Variants in SLC45A1 observed in about 807,000 individuals in gnomAD.
The protein encoded by SLC45A1 is solute carrier family 45 member 1.
SLC45A1 carries 28 observed loss-of-function variants against 57.6 expected under a neutral mutation model. The ratio of observed to expected loss-of-function variants is 0.49; its 90% confidence interval spans 0.36 to 0.67. The LOEUF (loss-of-function observed/expected upper bound fraction) is 0.67, where lower values mean the gene tolerates loss of function less well. SLC45A1 is among the 30% of genes least tolerant of loss of function. SLC45A1 has a pLI of 0.00. For missense variants in SLC45A1, 814 were observed against 1,041.5 expected (o/e 0.78, Z 3.01); for synonymous variants, 459 against 471.5 (o/e 0.97, Z 0.34).
Position 8,344,093 on chromosome 1 carries a change from T to C in SLC45A1, c.*80T>C, listed in dbSNP as rs1640926324. ...CCGACCAGTGAGGACCAAAGGGCCT[T>C]GTTGGACAGGGGGACTGGCTGCCTA... On this transcript the variant is annotated 3_prime_UTR_variant, in exon 9 of 9. Transcript: ENST00000471889. 2 of 1,379,080 alleles carry C rather than the reference T, an allele frequency of 1.5e-6. No homozygotes were observed. The highest frequency in any genetic ancestry group is 2.0e-6 in the Non-Finnish European group (2 of 1,017,256). 85.4% of individuals were successfully genotyped at this position (1,379,080 alleles called of 1,614,324 possible). A position where few individuals can be genotyped will look rare whatever the true frequency, so the allele number is the denominator to read the frequency against.
At chr1:8,331,728 A>G (rs182289188) in intron 5 of SLC45A1, among the ~76,000 whole-genome samples, 8 of 151,996 alleles carry the variant, frequency 5.3e-5, no homozygotes, top group African/African-American at 1.7e-4. Flanking sequence ...CCTATGAGTG[A>G]GTGAGTTCAG....
intron 5 of SLC45A1, among the ~76,000 whole-genome samples, chr1:8,334,575 C>T (rs1365836412): frequency 1.3e-5 from 2 of 152,030 alleles, no homozygotes; most frequent in African/African-American, 4.8e-5. Context: ...TGGTGGTGCT[C>T]GCCTGTAGTC....
intron 1 of SLC45A1, among the ~76,000 whole-genome samples, chr1:8,323,490 C>CAAA (rs34956825): frequency 1.6e-4 from 20 of 127,522 alleles, no homozygotes; most frequent in South Asian, 5.2e-4. Context: ...GACTCTGTCT[C>CAAA]AAAAAAAAAA....
At chr1:8,334,941 G>T (rs144866871) in intron 5 of SLC45A1, among the ~76,000 whole-genome samples, 1 of 152,198 alleles carries the variant, frequency 6.6e-6, no homozygotes, top group East Asian at 1.9e-4. Context: ...CCCCTGTCAA[G>T]GGCTGAGGTG....
Position 8,330,679 on chromosome 1 carries a change from C to G in SLC45A1, c.1186C>G (p.Pro396Ala). The G allele has an allele frequency of 6.2e-7, 1 of 1,613,244 alleles. No homozygotes were observed. Among genetic ancestry groups the G allele is most frequent in the South Asian group, 1.1e-5 (1 of 91,078 alleles). Reference protein sequence around the residue: ...DSYLAIPGSVPRPPISVSFPR... With the variant: ...DSYLAIPGSVARPPISVSFPR... The stretch of plus-strand genomic sequence containing the variant: ...CTACCTGGCCATCCCTGGCAGCGTC[C>G]CCAGGCCGCCCATCAGCGTCAGCTT... The change falls in exon 5 of 9, where the codon CCC becomes GCC. Residue 396 changes from proline to alanine, a missense_variant. Physicochemically the swap from Pro to Ala is conservative, Grantham distance 27. Coordinates refer to ENST00000471889, the MANE Select transcript of SLC45A1 (RefSeq NM_001080397.3). The surrounding 1 kb of genome is among the most constrained non-coding windows in gnomAD (Gnocchi z 8.4).
chr1:8,335,248 G>A lies in SLC45A1; in HGVS notation c.1444-189G>A, dbSNP rs559460516. On this transcript the variant is annotated intron_variant, in intron 5 of 8. Coordinates refer to ENST00000471889, the MANE Select transcript of SLC45A1 (RefSeq NM_001080397.3). The surrounding 1 kb of genome is among the most constrained non-coding windows in gnomAD (Gnocchi z 4.1). ...CTAGCCTTAGCTGCTCCGGGGCCTC[G>A]GAAACAATGCCCTGAATTTGTTCCT... 2.0e-5 allele frequency among the ~76,000 whole-genome samples: 3 copies of A among 152,288 alleles called. No individual in the cohort carries two copies. Among genetic ancestry groups the A allele is most frequent in the Non-Finnish European group, 2.9e-5 (2 of 68,026 alleles).
In SLC45A1 at chr1:8,343,561, G is replaced by A. The variant is rs562417106; in HGVS notation, c.1981-186G>A. ...TTAGTCATGGATTCTTTTCATTGTC[G>A]TCATCTCTCCGAACACAAATATTGT... On this transcript the variant is annotated intron_variant, in intron 8 of 8. Coordinates refer to ENST00000471889, the MANE Select transcript of SLC45A1 (RefSeq NM_001080397.3). The surrounding 1 kb of genome is among the most constrained non-coding windows in gnomAD (Gnocchi z 7.7). 7.2e-5 allele frequency among the ~76,000 whole-genome samples: 11 copies of A among 152,244 alleles called. 1 individual carries two copies. Among genetic ancestry groups the A allele is most frequent in the South Asian group, 4.1e-4 (2 of 4,828 alleles).
chr1:8,340,873 A>T (rs2124327271), intron 8 of SLC45A1, among the ~76,000 whole-genome samples: 1 of 152,290 alleles, frequency 6.6e-6, no homozygotes, highest in East Asian at 1.9e-4. Context: ...TTTAGCATAA[A>T]GAAAAATAAT....
rs1640338094 is a variant in SLC45A1 at position 8,330,159 on chromosome 1, G to A, written c.716-50G>A. ...TTCTAAGAACGGGGCCACCGCGTTT[G>A]GGGCTTCTCCTCCCGCAGAAGGGAA... On this transcript the variant is annotated intron_variant, in intron 4 of 8. Transcript: ENST00000471889. The surrounding 1 kb of genome is among the most constrained non-coding windows in gnomAD (Gnocchi z 8.4). 6.3e-7 allele frequency: 1 copy of A among 1,586,462 alleles called. No homozygotes were observed. The highest frequency in any genetic ancestry group is 8.6e-7 in the Non-Finnish European group (1 of 1,165,948).
intron 4 of SLC45A1, among the ~76,000 whole-genome samples, chr1:8,329,904 A>G (rs1640328342): frequency 6.6e-6 from 1 of 152,150 alleles, no homozygotes; most frequent in East Asian, 1.9e-4. Context: ...GGGGCCTGAA[A>G]GGTTACGGGG....
At position 8,326,546 on chromosome 1, in the gene SLC45A1, G is replaced by A. The variant is rs116353717; in HGVS notation, c.715+504G>A. 9.5e-3 allele frequency among the ~76,000 whole-genome samples: 1,446 copies of A among 152,224 alleles called. 22 individuals are homozygous for A. Among genetic ancestry groups the A allele is most frequent in the African/African-American group, 0.033 (1,365 of 41,512 alleles). ...CAAGCCTGAACGAAGCGTCACTGTC[G>A]CATGCATTTTCTGCACAAGGCACAT... is the stretch of plus-strand genomic sequence containing the variant. On this transcript the variant is annotated intron_variant, in intron 4 of 8. Transcript: ENST00000471889. This position sits in a 1 kb window ranked among gnomAD's most constrained non-coding sequence, Gnocchi z 5.5.
Position 8,325,446 on chromosome 1 carries a change from G to T in SLC45A1, c.490+56G>T, listed in dbSNP as rs368243869. 1.2e-5 allele frequency: 15 copies of T among 1,290,876 alleles called. No individual in the cohort carries two copies. In the African/African-American group the frequency reaches 1.8e-4, roughly 15 times the overall value. 80.0% of individuals were successfully genotyped at this position (1,290,876 alleles called of 1,614,324 possible). A position where few individuals can be genotyped will look rare whatever the true frequency, so the allele number is the denominator to read the frequency against. ...AGAGGAAAAAAAAAAGGCCCCAACT[G>T]CTTCCTTTTAGGAAAATTTTAAAAA... On this transcript the variant is annotated intron_variant, in intron 3 of 8. Coordinates refer to ENST00000471889, the MANE Select transcript of SLC45A1 (RefSeq NM_001080397.3). The surrounding 1 kb of genome is among the most constrained non-coding windows in gnomAD (Gnocchi z 6.3).
chr1:8,330,626 TTGAC>T lies in SLC45A1; in HGVS notation c.1136_1139del (p.Asp379AlafsTer47). The T allele has an allele frequency of 6.2e-7, 1 of 1,613,596 alleles. No homozygotes were observed. Among genetic ancestry groups the T allele is most frequent in the Non-Finnish European group, 8.5e-7 (1 of 1,179,982 alleles). ...ACGGCCAACATAGACAGCGTCCTCA[TTGAC>T]TGCTTCACGGGCGGCCACGACAGCT... On this transcript the variant is annotated frameshift_variant, in exon 5 of 9. Transcript: ENST00000471889. LOFTEE classifies it high-confidence loss of function. The surrounding 1 kb of genome is among the most constrained non-coding windows in gnomAD (Gnocchi z 8.4).
At position 8,327,137 on chromosome 1, in the gene SLC45A1, G is replaced by A. The variant is rs545875522; in HGVS notation, c.715+1095G>A. Among the ~76,000 whole-genome samples the A allele has an allele frequency of 6.6e-6, 1 of 152,314 alleles. No individual in the cohort carries two copies. The highest frequency in any genetic ancestry group is 1.9e-4 in the East Asian group (1 of 5,180). The stretch of plus-strand genomic sequence containing the variant: ...TGCAAATCCTTGAATGATTTTGAGA[G>A]CACCGTGAGGATTGGTTCTGAGTTT... On this transcript the variant is annotated intron_variant, in intron 4 of 8. Coordinates refer to ENST00000471889, the MANE Select transcript of SLC45A1 (RefSeq NM_001080397.3). This position sits in a 1 kb window ranked among gnomAD's most constrained non-coding sequence, Gnocchi z 4.3.
rs532866853 is a variant in SLC45A1 at position 8,318,805 on chromosome 1, G to A, written c.-25+619G>A. Among the ~76,000 whole-genome samples the A allele has an allele frequency of 3.3e-5, 5 of 152,318 alleles. No individual in the cohort carries two copies. In the South Asian group the frequency reaches 1.0e-3, roughly 32 times the overall value. ...AGGGGCGGAGGAAAGCCACGTTCAG[G>A]CTGCACCTGGCCTGGGCTTTTGGGA... On this transcript the variant is annotated intron_variant, in intron 1 of 8. Transcript: ENST00000471889.
In SLC45A1 at chr1:8,325,338, G is replaced by T; in HGVS notation, c.438G>T (p.Arg146=). 1 of 1,613,858 alleles carries T rather than the reference G, an allele frequency of 6.2e-7. No individual in the cohort carries two copies. The highest frequency in any genetic ancestry group is 1.1e-5 in the South Asian group (1 of 91,060). ...CTCTGTTGGGTGCTTGGAGTGACCG[G>T]TGTACCTCAAGGTTTGGAAGGAGAC... is the stretch of plus-strand genomic sequence containing the variant. ...LQPLLGAWSD[R]CTSRFGRRRP... is the part of the protein sequence containing the mutation. The change falls in exon 3 of 9, where the codon CGG becomes CGT. Residue 146 remains arginine (R), a synonymous_variant. Transcript: ENST00000471889. The surrounding 1 kb of genome is among the most constrained non-coding windows in gnomAD (Gnocchi z 6.3).
Position 8,339,622 on chromosome 1 carries a change from T to C in SLC45A1, c.1904T>C (p.Ile635Thr), listed in dbSNP as rs774067852. 1.1e-5 allele frequency: 18 copies of C among 1,614,142 alleles called. No homozygotes were observed. In the East Asian group the frequency reaches 3.6e-4, roughly 32 times the overall value. ...RNLYVVLSLC[I>T]TYGILFSTLC... ...CTCTACGTGGTCCTGTCGCTCTGCA[T>C]AACCTACGGGATTTTATTTTCCACC... Residue 635 changes from isoleucine (I) to threonine (T), a missense_variant, in exon 8 of 9, where the codon ATA (isoleucine) becomes ACA (threonine). By Grantham distance (89) the Ile-to-Thr change is moderately conservative. Coordinates refer to ENST00000471889, the MANE Select transcript of SLC45A1 (RefSeq NM_001080397.3).
Position 8,330,047 on chromosome 1 carries a change from TG to T in SLC45A1, c.716-159del. On this transcript the variant is annotated intron_variant, in intron 4 of 8. Coordinates refer to ENST00000471889, the MANE Select transcript of SLC45A1 (RefSeq NM_001080397.3). The surrounding 1 kb of genome is among the most constrained non-coding windows in gnomAD (Gnocchi z 8.4). Reference sequence around the variant, plus strand: ...GGGGACCTCCTCAAGGGGCCCGCCCTGGGAATCCTGTCCCATTTTGTTGGGG... The same window carrying T: ...GGGGACCTCCTCAAGGGGCCCGCCCTGGAATCCTGTCCCATTTTGTTGGGG... 1.1e-6 allele frequency: 1 copy of T among 891,832 alleles called. No individual in the cohort carries two copies. The highest frequency in any genetic ancestry group is 1.7e-6 in the Non-Finnish European group (1 of 588,298). 55.2% of individuals were successfully genotyped at this position (891,832 alleles called of 1,614,324 possible).
At position 8,330,951 on chromosome 1, in the gene SLC45A1, CG is replaced by C; in HGVS notation, c.1443+20del. The C allele has an allele frequency of 6.4e-7, 1 of 1,565,274 alleles. No homozygotes were observed. Among genetic ancestry groups the C allele is most frequent in the African/African-American group, 1.4e-5 (1 of 73,952 alleles). ...TCAGTCAGCAGGTAACAGCAAATGT[CG>C]GGGGAGCTGAGGCTCAGAGGGTGGC... On this transcript the variant is annotated intron_variant, in intron 5 of 8. Transcript: ENST00000471889. The surrounding 1 kb of genome is among the most constrained non-coding windows in gnomAD (Gnocchi z 8.4).
Sources: gnomAD v4.1 joint callset for allele counts (sites outside exome capture counted in the v4.1 genomes callset) on GRCh38, gnomAD v4.1.1 for gene constraint, Gnocchi (gnomAD v3.1) non-coding constraint, MANE v1.5 for transcripts, NCBI Gene and HGNC (gene_info 2026-07-23, HGNC 2026-07-21) for gene names.